SMG1: variants seen among roughly 807,000 people sequenced by gnomAD.
SMG1 encodes the protein SMG1 nonsense mediated mRNA decay associated PI3K related kinase.
In SMG1, 22 loss-of-function variants were observed where a neutral mutation model predicts 419.9. That is an observed-to-expected ratio of 0.05 (90% CI 0.04 to 0.07). The LOEUF (loss-of-function observed/expected upper bound fraction) is 0.07, where lower values mean the gene tolerates loss of function less well. Ranked by LOEUF, SMG1 falls within the 10% of genes least tolerant of loss-of-function variation. The pLI, the probability that SMG1 is intolerant of heterozygous loss-of-function variation, is 1.00. For missense variants in SMG1, 3,185 were observed against 4,342.0 expected, an observed-to-expected ratio of 0.73 and a Z score of 7.49; for synonymous variants, 1,538 against 1,553.5, an observed-to-expected ratio of 0.99 and a Z score of 0.23.
chr16:18,864,745 G>A (rs1276527292), intron 23 of SMG1, among the ~76,000 whole-genome samples: 1 of 152,042 alleles, frequency 6.6e-6, no homozygotes, highest in Non-Finnish European at 1.5e-5. Flanking sequence ...CCCAAGTACT[G>A]GGATTTCAGG....
intron 11 of SMG1, chr16:18,877,791 G>T (rs2036205971): frequency 1.3e-5 from 2 of 152,298 alleles, no homozygotes; most frequent in Admixed American, 1.3e-4. Context: ...CCTTAATACT[G>T]TGACATTAAA....
At chr16:18,903,747 A>C (rs1367423406) in intron 1 of SMG1, among the ~76,000 whole-genome samples, 3 of 152,132 alleles carry the variant, frequency 2.0e-5, no homozygotes, top group African/African-American at 7.2e-5. Flanking sequence ...AGTACTGTCT[A>C]ATGTTTGAGC....
In SMG1 at chr16:18,829,280, A is replaced by T; in HGVS notation, c.9603+6T>A. On this transcript the variant is annotated splice_donor_region_variant and intron_variant, in intron 54 of 62. Coordinates refer to ENST00000446231, the MANE Select transcript of SMG1 (RefSeq NM_015092.5). ...GGAAAAACACATTATAAACAAAAAC[A>T]CTTACCTGAAACATGGCAATATGCA... 1 of 1,602,948 alleles carries T rather than the reference A, an allele frequency of 6.2e-7. No individual in the cohort carries two copies. Among genetic ancestry groups the T allele is most frequent in the Non-Finnish European group, 8.5e-7 (1 of 1,172,238 alleles).
intron 29 of SMG1, 148 bp downstream of exon 29, chr16:18,858,022 T>C (rs1377914599): frequency 6.7e-6 from 4 of 594,596 alleles, no homozygotes; most frequent in Non-Finnish European, 1.1e-5. Flanking sequence ...GTGTTCTGTA[T>C]CTCGATCGTA....
chr16:18,832,596 A>G (rs1293023994), intron 51 of SMG1, among the ~76,000 whole-genome samples: 2 of 151,896 alleles, frequency 1.3e-5, no homozygotes, highest in Non-Finnish European at 1.5e-5. Flanking sequence ...ACACACACAC[A>G]CACACACACA....
Position 18,829,683 on chromosome 16 carries a change from C to A in SMG1, c.9206G>T (p.Arg3069Ile). Residue 3069 changes from arginine to isoleucine, a missense_variant, in exon 54 of 63, where the codon AGA becomes ATA. Transcript: ENST00000446231. Reference protein sequence around the residue: ...VQIVNVKTLFRNSCFSEDQMA... With the variant: ...VQIVNVKTLFINSCFSEDQMA... The stretch of plus-strand genomic sequence containing the variant: ...TTGGTCTTCACTGAAACAAGAGTTT[C>A]TAAAAAGGGTTTTCACATTGACAAT... 6.2e-7 allele frequency: 1 copy of A among 1,613,942 alleles called. No individual in the cohort carries two copies. The highest frequency in any genetic ancestry group is 8.5e-7 in the Non-Finnish European group (1 of 1,179,892).
At chr16:18,915,194 T>C (rs2037925078) in intron 1 of SMG1, among the ~76,000 whole-genome samples, 1 of 152,078 alleles carries the variant, frequency 6.6e-6, no homozygotes. Context: ...AGGATGGTCT[T>C]GATCCCTTGA....
intron 56 of SMG1, 99 bp downstream of exon 56, chr16:18,819,402 TG>T: frequency 7.7e-7 from 1 of 1,301,274 alleles, no homozygotes; most frequent in Non-Finnish European, 1.1e-6. Flanking sequence ...AGCCAGAACG[TG>T]GGCTCTCAAG....
intron 1 of SMG1, among the ~76,000 whole-genome samples, chr16:18,917,594 T>A (rs550621089): frequency 6.6e-6 from 1 of 151,866 alleles, no homozygotes; most frequent in Non-Finnish European, 1.5e-5. Context: ...CATTTTTTTT[T>A]CAGATGGAGT....
chr16:18,852,225 A>T lies in SMG1; in HGVS notation c.4914-20T>A. 3 of 1,609,896 alleles carry T rather than the reference A, an allele frequency of 1.9e-6. No homozygotes were observed. In the South Asian group the frequency reaches 3.3e-5, roughly 18 times the overall value. On this transcript the variant is annotated intron_variant, in intron 32 of 62. Coordinates refer to ENST00000446231, the MANE Select transcript of SMG1 (RefSeq NM_015092.5). Reference sequence around the variant, plus strand: ...CCCTGACTATAAAAATAAACAAGTCATCAGTATTTCAGCTACCCAAACTTT... The same window carrying T: ...CCCTGACTATAAAAATAAACAAGTCTTCAGTATTTCAGCTACCCAAACTTT...
In SMG1 at chr16:18,926,083, G is replaced by T. The variant is rs777879617; in HGVS notation, c.-42C>A. 3.9e-5 allele frequency: 59 copies of T among 1,518,980 alleles called. No individual in the cohort carries two copies. The highest frequency in any genetic ancestry group is 5.0e-5 in the Non-Finnish European group (57 of 1,140,760). 94.1% of individuals were successfully genotyped at this position (1,518,980 alleles called of 1,614,324 possible). On this transcript the variant is annotated 5_prime_UTR_variant, in exon 1 of 63. Transcript: ENST00000446231. The stretch of plus-strand genomic sequence containing the variant: ...ACATGGCCAAGCGCCGCCGCCCAAA[G>T]AAGCGCGAGTCGCCGCCCGAACCGG...
chr16:18,834,283 G>A lies in SMG1; in HGVS notation c.8486C>T (p.Pro2829Leu), dbSNP rs1293107130. 1 of 1,611,336 alleles carries A rather than the reference G, an allele frequency of 6.2e-7. No homozygotes were observed. Residue 2829 changes from proline (P) to leucine (L), a missense_variant, in exon 50 of 63, where the codon CCA becomes CTA. Around this residue, in one of 27 missense-constraint regions of SMG1, gnomAD observed 412 missense variants for 546.6 expected, o/e 0.75. Coordinates refer to ENST00000446231, the MANE Select transcript of SMG1 (RefSeq NM_015092.5). Reference protein sequence around the residue: ...VQLLKQCHLVPQDLDIPNPME... With the variant: ...VQLLKQCHLVLQDLDIPNPME... ...GGGGTTCGGGATATCTAAGTCCTGT[G>A]GCACCAGGTGGCACTGCTTCAGTAA...
chr16:18,913,643 T>C (rs1440867140), intron 1 of SMG1, among the ~76,000 whole-genome samples: 2 of 152,052 alleles, frequency 1.3e-5, no homozygotes, highest in East Asian at 3.9e-4. Context: ...ATCTAGTAAA[T>C]ATTAAGTTTA....
chr16:18,856,028 G>A (rs1489857918), intron 29 of SMG1, among the ~76,000 whole-genome samples: 1 of 146,306 alleles, frequency 6.8e-6, no homozygotes, highest in East Asian at 2.0e-4. Flanking sequence ...TATTTTCTCT[G>A]GCCTGCACAC....
intron 56 of SMG1, 89 bp from the exon 57 acceptor site, chr16:18,817,559 C>G: frequency 1.9e-6 from 2 of 1,079,894 alleles, no homozygotes; most frequent in Non-Finnish European, 2.6e-6. Flanking sequence ...AATACTACTT[C>G]CTCATTTTGA....
At position 18,841,661 on chromosome 16, in the gene SMG1, T is replaced by G; in HGVS notation, c.6600A>C (p.Thr2200=). The G allele has an allele frequency of 6.2e-7, 1 of 1,614,018 alleles. No homozygotes were observed. Among genetic ancestry groups the G allele is most frequent in the East Asian group, 2.2e-5 (1 of 44,884 alleles). ...ARHYSVTPLG[T]RSGLIQWVDG... ...CTACCCACTGGATTAGTCCTGATCT[T>G]GTTCCTAGTGGTGTTACAGAATAGT... is the stretch of plus-strand genomic sequence containing the variant. Residue 2200 remains threonine, a synonymous_variant, in exon 41 of 63, where the codon ACA becomes ACC. Coordinates refer to ENST00000446231, the MANE Select transcript of SMG1 (RefSeq NM_015092.5).
intron 1 of SMG1, among the ~76,000 whole-genome samples, chr16:18,921,591 T>A (rs938941955): frequency 6.6e-6 from 1 of 152,100 alleles, no homozygotes. Context: ...ATTGCGGTTT[T>A]TGCCAAAACC....
At chr16:18,851,392 TACACACACAC>T (rs71374432) in intron 33 of SMG1, among the ~76,000 whole-genome samples, 1 of 149,966 alleles carries the variant, frequency 6.7e-6, no homozygotes, top group Non-Finnish European at 1.5e-5. Context: ...TAAGTTTAAA[TACACACACAC>T]ACACACGCGC....
intron 12 of SMG1, among the ~76,000 whole-genome samples, chr16:18,876,681 A>T (rs1372356104): frequency 1.5e-5 from 2 of 134,290 alleles, no homozygotes; most frequent in Admixed American, 7.4e-5. Flanking sequence ...TTTTTTTTTA[A>T]ATAATCAACA....
Sources: allele counts gnomAD v4.1 joint callset (sites outside exome capture counted in the v4.1 genomes callset), GRCh38; gene constraint gnomAD v4.1.1; regional missense constraint gnomAD v4.1.1; transcripts MANE v1.5; gene names NCBI Gene and HGNC (gene_info 2026-07-23, HGNC 2026-07-21).